CPA6: variants seen among roughly 807,000 people sequenced by gnomAD.
The protein encoded by CPA6 is carboxypeptidase B.
In CPA6, 58 loss-of-function variants were observed where a neutral mutation model predicts 63.3. The observed-to-expected ratio is 0.92, with a 90% CI of 0.74 to 1.14. CPA6 has a LOEUF of 1.14. Among genes scored for constraint, CPA6 ranks in the 50% most tolerant of loss-of-function variants. CPA6 has a pLI of 0.00. For missense variants in CPA6, 565 were observed against 526.6 expected, an observed-to-expected ratio of 1.07 and a Z score of -0.71; for synonymous variants, 185 against 179.0, an observed-to-expected ratio of 1.03 and a Z score of -0.27.
At chr8:67,544,504 A>T (rs947220853) in intron 2 of CPA6, among the ~76,000 whole-genome samples, 2 of 152,196 alleles carry the variant, frequency 1.3e-5, no homozygotes, top group African/African-American at 4.8e-5. Context: ...TAAGTCATGA[A>T]GTCTAATGGG....
At chr8:67,590,421 G>C (rs1453945177) in intron 2 of CPA6, among the ~76,000 whole-genome samples, 1 of 151,088 alleles carries the variant, frequency 6.6e-6, no homozygotes, top group Non-Finnish European at 1.5e-5. Context: ...GGGATGGCTG[G>C]GTCAAACGGT....
chr8:67,531,962 G>A (rs1023626769), intron 2 of CPA6, among the ~76,000 whole-genome samples: 1 of 152,206 alleles, frequency 6.6e-6, no homozygotes, highest in Non-Finnish European at 1.5e-5. Flanking sequence ...AAAGAAGTCA[G>A]TGTAGAGAAA....
At chr8:67,582,689 T>G (rs1239293093) in intron 2 of CPA6, among the ~76,000 whole-genome samples, 1 of 152,204 alleles carries the variant, frequency 6.6e-6, no homozygotes, top group East Asian at 1.9e-4. Flanking sequence ...AGGTGTGTTT[T>G]GCAGGGATTG....
At chr8:67,717,542 T>G (rs990401169) in intron 1 of CPA6, among the ~76,000 whole-genome samples, 6 of 152,250 alleles carry the variant, frequency 3.9e-5, no homozygotes, top group African/African-American at 1.4e-4. Context: ...ATGGTGTATA[T>G]TCTTTGACAT....
chr8:67,521,541 A>G (rs912214122), intron 2 of CPA6, among the ~76,000 whole-genome samples: 3 of 152,240 alleles, frequency 2.0e-5, no homozygotes, highest in Admixed American at 2.0e-4. Context: ...GTTTCTTATT[A>G]TTGCTATTTG....
At chr8:67,731,827 G>C (rs370836142) in intron 1 of CPA6, among the ~76,000 whole-genome samples, 2 of 152,310 alleles carry the variant, frequency 1.3e-5, no homozygotes, top group African/African-American at 4.8e-5. Flanking sequence ...TACACTGGAA[G>C]TTCTTTGGTT....
intron 1 of CPA6, among the ~76,000 whole-genome samples, chr8:67,678,225 TCTCA>T (rs1554533131): frequency 0.094 from 13,473 of 142,894 alleles, 1,144 homozygotes; most frequent in African/African-American, 0.24. Flanking sequence ...TAAAACTCTG[TCTCA>T]CACACACACA....
chr8:67,625,665 G>C (rs1815178832), intron 1 of CPA6, among the ~76,000 whole-genome samples: 1 of 152,050 alleles, frequency 6.6e-6, no homozygotes, highest in African/African-American at 2.4e-5. Context: ...AGTAAATAAA[G>C]CACAGTAGGA....
At chr8:67,634,065 G>A (rs1815407201) in intron 1 of CPA6, among the ~76,000 whole-genome samples, 1 of 151,388 alleles carries the variant, frequency 6.6e-6, no homozygotes, top group South Asian at 2.1e-4. Context: ...CTTCAAAGAC[G>A]GAATTGAATT....
At chr8:67,518,872 C>G (rs988323357) in intron 2 of CPA6, among the ~76,000 whole-genome samples, 8 of 152,120 alleles carry the variant, frequency 5.3e-5, no homozygotes, top group Non-Finnish European at 8.8e-5. Flanking sequence ...CCAATTCCTA[C>G]TCAGCCTTCA....
At chr8:67,742,828 A>C (rs1347782255) in intron 1 of CPA6, among the ~76,000 whole-genome samples, 2 of 152,210 alleles carry the variant, frequency 1.3e-5, no homozygotes, top group Admixed American at 1.3e-4. Context: ...CACATGAAGA[A>C]GGCACTCAAT....
At chr8:67,464,886 G>A (rs1255499401) in intron 8 of CPA6, among the ~76,000 whole-genome samples, 3 of 152,146 alleles carry the variant, frequency 2.0e-5, no homozygotes. Context: ...TTTTGTACCA[G>A]TACCATGCTG....
intron 2 of CPA6, among the ~76,000 whole-genome samples, chr8:67,592,096 AG>A (rs1363306297): frequency 2.4e-4 from 37 of 152,288 alleles, no homozygotes; most frequent in African/African-American, 8.4e-4. Context: ...TTTAGCTTGA[AG>A]GGTTGTTGAA....
At chr8:67,648,560 A>G (rs1815767319) in intron 1 of CPA6, among the ~76,000 whole-genome samples, 2 of 152,170 alleles carry the variant, frequency 1.3e-5, no homozygotes, top group Non-Finnish European at 2.9e-5. Flanking sequence ...AAAGGCCCAG[A>G]AGGAAGAGGT....
rs1011117649 is a variant in CPA6 at position 67,572,871 on chromosome 8, C to T, written c.192+51305G>A. On this transcript the variant is annotated intron_variant, in intron 2 of 10. Coordinates refer to ENST00000297770, the MANE Select transcript of CPA6 (RefSeq NM_020361.5). ...GACCAATATCTTTGACGAATATAGACGCAGAAATCCTCAACAAAATGCTAG... is the reference window on the plus strand; with the variant it reads ...GACCAATATCTTTGACGAATATAGATGCAGAAATCCTCAACAAAATGCTAG... 1.2e-4 allele frequency among the ~76,000 whole-genome samples: 19 copies of T among 152,072 alleles called. 1 individual carries two copies. The highest frequency in any genetic ancestry group is 8.5e-4 in the Admixed American group (13 of 15,248).
At chr8:67,699,520 C>T (rs575496061) in intron 1 of CPA6, among the ~76,000 whole-genome samples, 5 of 151,482 alleles carry the variant, frequency 3.3e-5, no homozygotes, top group African/African-American at 4.8e-5. Context: ...AACAAACAAA[C>T]ATTTACATGC....
chr8:67,746,348 A>AAGCAGCAGCAGC lies in CPA6; in HGVS notation c.-231_-220dup, dbSNP rs144013159. On this transcript the variant is annotated 5_prime_UTR_variant, in exon 1 of 11. Transcript: ENST00000297770. ...TGCTATTACGACTTGGTCTTGGGAC[A>AAGCAGCAGCAGC]AGCAGCAGCAGCAGCAGCAGCAGCT... The AAGCAGCAGCAGC allele has an allele frequency of 9.9e-6, 4 of 403,836 alleles. No individual in the cohort carries two copies. The highest frequency in any genetic ancestry group is 4.7e-5 in the South Asian group (1 of 21,392). The allele number at this position is 403,836 out of a possible 1,614,324, so 25.0% of individuals were successfully genotyped here.
intron 1 of CPA6, among the ~76,000 whole-genome samples, chr8:67,698,330 G>A (rs776501369): frequency 6.6e-6 from 1 of 152,112 alleles, no homozygotes; most frequent in Non-Finnish European, 1.5e-5. Flanking sequence ...AGTAATTGGT[G>A]TTTTTTCTTT....
intron 1 of CPA6, among the ~76,000 whole-genome samples, chr8:67,713,569 T>C (rs913953646): frequency 2.0e-5 from 3 of 152,178 alleles, no homozygotes; most frequent in African/African-American, 4.8e-5. Context: ...TTAGGCTTAG[T>C]AGAACTTGGA....
Sources: gnomAD v4.1 joint callset for allele counts (sites outside exome capture counted in the v4.1 genomes callset) on GRCh38, gnomAD v4.1.1 for gene constraint, MANE v1.5 for transcripts, NCBI Gene and HGNC (gene_info 2026-07-23, HGNC 2026-07-21) for gene names.